IL20RA: variants seen among roughly 807,000 people sequenced by gnomAD.
IL20RA encodes the protein interleukin 20 receptor subunit alpha.
Under a neutral mutation model 36.5 loss-of-function variants are expected in IL20RA, and 29 were observed. The observed-to-expected ratio is 0.79, with a 90% CI of 0.59 to 1.08. The LOEUF (loss-of-function observed/expected upper bound fraction) is 1.08, where lower values mean the gene tolerates loss of function less well. Ranked by LOEUF, IL20RA falls within the 50% of genes least tolerant of loss-of-function variation. The pLI is 0.00. For synonymous variants in IL20RA, 279 were observed against 267.1 expected, an observed-to-expected ratio of 1.04 and a Z score of -0.43; for missense variants, 652 against 668.4, an observed-to-expected ratio of 0.98 and a Z score of 0.27.
chr6:137,014,146 G>A (rs901700800), intron 2 of IL20RA, among the ~76,000 whole-genome samples: 9 of 152,138 alleles, frequency 5.9e-5, no homozygotes, highest in Admixed American at 3.9e-4. Flanking sequence ...TGAGAATGAG[G>A]TTCTAGATAA....
intron 1 of IL20RA, among the ~76,000 whole-genome samples, chr6:137,041,689 AGTT>A (rs972487641): frequency 6.6e-6 from 1 of 152,156 alleles, no homozygotes; most frequent in African/African-American, 2.4e-5. Flanking sequence ...TAATAAGCAT[AGTT>A]GTTGTTTGGT....
intron 6 of IL20RA, among the ~76,000 whole-genome samples, chr6:137,003,958 C>G (rs1027755702): frequency 2.0e-5 from 3 of 152,076 alleles, no homozygotes; most frequent in African/African-American, 7.2e-5. Flanking sequence ...CTTGTACCCC[C>G]AGAATTCCCA....
chr6:137,021,442 A>G (rs1775899903), intron 1 of IL20RA, among the ~76,000 whole-genome samples: 1 of 151,662 alleles, frequency 6.6e-6, no homozygotes, highest in Non-Finnish European at 1.5e-5. Flanking sequence ...AGGCAGGTAG[A>G]TCACTTGAGG....
intron 1 of IL20RA, among the ~76,000 whole-genome samples, chr6:137,027,546 C>T (rs141070705): frequency 2.6e-5 from 4 of 152,204 alleles, no homozygotes; most frequent in African/African-American, 7.2e-5. Context: ...ACCAGCTATG[C>T]GCCCTCAAGC....
At chr6:137,027,080 C>T (rs1194385308) in intron 1 of IL20RA, among the ~76,000 whole-genome samples, 1 of 152,066 alleles carries the variant, frequency 6.6e-6, no homozygotes, top group Non-Finnish European at 1.5e-5. Context: ...TGGGGTTTCA[C>T]CATGTTGGCC....
chr6:137,025,261 GC>G (rs1264364889), intron 1 of IL20RA, among the ~76,000 whole-genome samples: 1 of 152,140 alleles, frequency 6.6e-6, no homozygotes, highest in Non-Finnish European at 1.5e-5. Context: ...GGTCATAAGG[GC>G]AGAGCCCTCA....
At chr6:137,018,886 A>AT (rs562955071) in intron 1 of IL20RA, among the ~76,000 whole-genome samples, 407 of 152,324 alleles carry the variant, frequency 2.7e-3, no homozygotes, top group Non-Finnish European at 4.7e-3. Flanking sequence ...TGGCCTTAAC[A>AT]TATGAAGAGT....
chr6:137,007,430 C>T (rs1775317017), intron 5 of IL20RA, among the ~76,000 whole-genome samples: 1 of 152,218 alleles, frequency 6.6e-6, no homozygotes, highest in African/African-American at 2.4e-5. Context: ...GGATTCCTAT[C>T]CATGGCTGGT....
chr6:137,019,501 T>C (rs755653680), intron 1 of IL20RA, among the ~76,000 whole-genome samples: 23 of 152,274 alleles, frequency 1.5e-4, no homozygotes, highest in Non-Finnish European at 2.4e-4. Flanking sequence ...CAAAAAAGTT[T>C]TGAGAAATAA....
Position 137,009,690 on chromosome 6 carries a change from C to A in IL20RA, c.404-198G>T, listed in dbSNP as rs533095992. On this transcript the variant is annotated intron_variant, in intron 3 of 6. Coordinates refer to ENST00000316649, the MANE Select transcript of IL20RA (RefSeq NM_014432.4). ...GCATGATCTCGGCTCACTGCAACCT[C>A]CACCTCCTGGGTTCAAGCGATTCTC... 3.3e-5 allele frequency among the ~76,000 whole-genome samples: 5 copies of A among 149,610 alleles called. No homozygotes were observed. In the East Asian group the frequency reaches 9.8e-4, roughly 29 times the overall value.
At chr6:137,010,784 T>A (rs564122464) in intron 3 of IL20RA, among the ~76,000 whole-genome samples, 152 of 152,234 alleles carry the variant, frequency 1.0e-3, no homozygotes, top group Non-Finnish European at 1.5e-3. Context: ...ACATTAATAG[T>A]CCATAAACCC....
Position 137,001,371 on chromosome 6 carries a change from G to T in IL20RA, c.*187C>A. 1 of 495,012 alleles carries T rather than the reference G, an allele frequency of 2.0e-6. No individual in the cohort carries two copies. The highest frequency in any genetic ancestry group is 3.5e-6 in the Non-Finnish European group (1 of 288,324). 30.7% of individuals were successfully genotyped at this position (495,012 alleles called of 1,614,324 possible). On this transcript the variant is annotated 3_prime_UTR_variant, in exon 7 of 7. Coordinates refer to ENST00000316649, the MANE Select transcript of IL20RA (RefSeq NM_014432.4). ...TGGACTCCAGAGGCCCACCATCATT[G>T]TTAAGAGACCTACATGCATGAACCA...
At chr6:137,010,792 C>T (rs1775466182) in intron 3 of IL20RA, among the ~76,000 whole-genome samples, 1 of 152,004 alleles carries the variant, frequency 6.6e-6, no homozygotes, top group Non-Finnish European at 1.5e-5. Context: ...AGTCCATAAA[C>T]CCACATTAAA....
intron 1 of IL20RA, 113 bp downstream of exon 1, chr6:137,044,528 A>C: frequency 1.8e-6 from 2 of 1,104,414 alleles, no homozygotes; most frequent in Non-Finnish European, 2.3e-6. Context: ...TGCCCGCCCG[A>C]AAGCGAAACC....
In IL20RA at chr6:137,001,760, C is replaced by T. The variant is rs200667492; in HGVS notation, c.1460G>A (p.Gly487Asp). Residue 487 changes from glycine to aspartate, a missense_variant, in exon 7 of 7, where the codon GGC (glycine) becomes GAC (aspartate). Physicochemically the swap from Gly to Asp is moderately conservative, Grantham distance 94. Coordinates refer to ENST00000316649, the MANE Select transcript of IL20RA (RefSeq NM_014432.4). ...TTLVDWDPQT[G>D]RLCIPSLSSF... ...GGACAGCGAAGGAATACACAGCCTG[C>T]CAGTTTGGGGATCCCAGTCGACCAG... 1 of 1,612,086 alleles carries T rather than the reference C, an allele frequency of 6.2e-7. No individual in the cohort carries two copies.
intron 1 of IL20RA, among the ~76,000 whole-genome samples, chr6:137,027,428 G>T (rs1335220998): frequency 3.9e-5 from 6 of 152,262 alleles, no homozygotes; most frequent in African/African-American, 4.8e-5. Flanking sequence ...ACTGCCAACT[G>T]CCCTAACCCA....
intron 1 of IL20RA, 73 bp downstream of exon 1, chr6:137,044,568 C>T: frequency 1.7e-6 from 2 of 1,201,256 alleles, no homozygotes; most frequent in Non-Finnish European, 2.1e-6. Context: ...GAGAGCTCGG[C>T]CTCGAGCTCT....
chr6:137,006,213 A>T (rs1159659665), intron 5 of IL20RA, among the ~76,000 whole-genome samples: 1 of 152,200 alleles, frequency 6.6e-6, no homozygotes, highest in African/African-American at 2.4e-5. Context: ...AGCGAAACAG[A>T]TGTGTCATGG....
chr6:137,027,447 T>G (rs1240388250), intron 1 of IL20RA, among the ~76,000 whole-genome samples: 1 of 152,204 alleles, frequency 6.6e-6, no homozygotes, highest in East Asian at 1.9e-4. Context: ...CAATGGTTGC[T>G]AGTAATTGTT....
Sources: allele counts gnomAD v4.1 joint callset (sites outside exome capture counted in the v4.1 genomes callset), GRCh38; gene constraint gnomAD v4.1.1; transcripts MANE v1.5; gene names NCBI Gene and HGNC (gene_info 2026-07-23, HGNC 2026-07-21).